RORA: variants seen among roughly 807,000 people sequenced by gnomAD.
The protein encoded by RORA is nuclear receptor ROR-alpha.
In RORA, 7 loss-of-function variants were observed where a neutral mutation model predicts 69.5. The ratio of observed to expected loss-of-function variants is 0.10; its 90% CI spans 0.06 to 0.19. The LOEUF (loss-of-function observed/expected upper bound fraction) is 0.19. Among genes scored for constraint, RORA ranks in the 10% least tolerant of loss-of-function variants. RORA has a pLI of 1.00. For synonymous variants in RORA, 261 were observed against 240.8 expected, an observed-to-expected ratio of 1.08 and a Z score of -0.78; for missense variants, 457 against 663.0, an observed-to-expected ratio of 0.69 and a Z score of 3.41.
intron 1 of RORA, among the ~76,000 whole-genome samples, chr15:60,994,789 C>A (rs999205776): frequency 6.6e-6 from 1 of 152,214 alleles, no homozygotes. Flanking sequence ...TCCTTCCATG[C>A]CCTAGCCCAT....
intron 1 of RORA, among the ~76,000 whole-genome samples, chr15:61,020,614 G>A (rs1895477433): frequency 6.6e-6 from 1 of 152,126 alleles, no homozygotes; most frequent in Non-Finnish European, 1.5e-5. Flanking sequence ...CAGAGAGACT[G>A]ATCAAAGAAT....
intron 1 of RORA, among the ~76,000 whole-genome samples, chr15:61,119,260 G>A (rs944826474): frequency 2.6e-5 from 4 of 151,880 alleles, no homozygotes; most frequent in African/African-American, 9.7e-5. Flanking sequence ...GTACAGTGGT[G>A]CAATCTTGGC....
chr15:60,608,754 A>C (rs1471655410), intron 2 of RORA, among the ~76,000 whole-genome samples: 2 of 152,140 alleles, frequency 1.3e-5, no homozygotes, highest in African/African-American at 2.4e-5. Flanking sequence ...TTATCTAATC[A>C]TTCCTGCCAC....
At chr15:60,855,288 A>C (rs1408522718) in intron 1 of RORA, among the ~76,000 whole-genome samples, 1 of 152,200 alleles carries the variant, frequency 6.6e-6, no homozygotes, top group Non-Finnish European at 1.5e-5. Flanking sequence ...GAACAGCTAA[A>C]GCTTAGGATC....
At chr15:60,672,589 C>T (rs949814654) in intron 2 of RORA, among the ~76,000 whole-genome samples, 1 of 152,152 alleles carries the variant, frequency 6.6e-6, no homozygotes, top group Non-Finnish European at 1.5e-5. Context: ...TATGTGTGCA[C>T]AAGGGGGCAA....
At chr15:60,786,623 C>A (rs1006189690) in intron 1 of RORA, among the ~76,000 whole-genome samples, 3 of 152,326 alleles carry the variant, frequency 2.0e-5, no homozygotes, top group Non-Finnish European at 4.4e-5. Context: ...TGAAATAGGG[C>A]TACTGAGCAG....
chr15:61,048,596 C>A (rs1406054484), intron 1 of RORA, among the ~76,000 whole-genome samples: 1 of 152,216 alleles, frequency 6.6e-6, no homozygotes, highest in Non-Finnish European at 1.5e-5. Flanking sequence ...CAGCCTGTTT[C>A]CGATTATTCT....
At chr15:60,591,537 C>T (rs2140519987) in intron 2 of RORA, among the ~76,000 whole-genome samples, 1 of 152,138 alleles carries the variant, frequency 6.6e-6, no homozygotes, top group East Asian at 1.9e-4. Context: ...GGCCCGGCTA[C>T]GGAGTCCTGA....
chr15:60,992,210 G>A (rs7176717), intron 1 of RORA, among the ~76,000 whole-genome samples: 80,601 of 152,064 alleles, frequency 0.53, 22,586 homozygotes, highest in African/African-American at 0.71. Flanking sequence ...CACGGGTTTG[G>A]AATGACGGAG....
At chr15:61,064,931 A>T (rs2078236438) in intron 1 of RORA, among the ~76,000 whole-genome samples, 1 of 151,914 alleles carries the variant, frequency 6.6e-6, no homozygotes, top group Non-Finnish European at 1.5e-5. Context: ...TACTTAACTC[A>T]CTCTTCCCCA....
chr15:60,966,146 C>T (rs1386556998), intron 1 of RORA, among the ~76,000 whole-genome samples: 1 of 152,198 alleles, frequency 6.6e-6, no homozygotes, highest in Non-Finnish European at 1.5e-5. Flanking sequence ...CCTCTTTCTT[C>T]ATATCACCTT....
chr15:60,759,151 TCAGTAG>T (rs2071845844), intron 1 of RORA, among the ~76,000 whole-genome samples: 1 of 152,218 alleles, frequency 6.6e-6, no homozygotes, highest in Non-Finnish European at 1.5e-5. Flanking sequence ...AATGGTTGAT[TCAGTAG>T]CCACATGCAT....
chr15:61,056,667 G>A (rs1381239278), intron 1 of RORA, among the ~76,000 whole-genome samples: 3 of 152,148 alleles, frequency 2.0e-5, no homozygotes, highest in African/African-American at 7.2e-5. Context: ...AACATGAAAA[G>A]CATTTTTTTA....
In RORA at chr15:60,775,735, G is replaced by T. The variant is rs114681645; in HGVS notation, c.167-97049C>A. 9.2e-3 allele frequency among the ~76,000 whole-genome samples: 1,401 copies of T among 152,280 alleles called. 26 individuals carry two copies. The highest frequency in any genetic ancestry group is 0.033 in the African/African-American group (1,356 of 41,552). ...TCTTTTCCTATTAATGAACAGTATGGTGTTGCAGATTCACGGAGGGCTTAA... is the reference window on the plus strand; with the variant it reads ...TCTTTTCCTATTAATGAACAGTATGTTGTTGCAGATTCACGGAGGGCTTAA... On this transcript the variant is annotated intron_variant, in intron 1 of 10. Transcript: ENST00000335670.
chr15:61,041,849 G>C (rs1896789330), intron 1 of RORA, among the ~76,000 whole-genome samples: 1 of 152,248 alleles, frequency 6.6e-6, no homozygotes, highest in Admixed American at 6.5e-5. Flanking sequence ...CTTAACGTCA[G>C]TCAGTTTCAT....
intron 8 of RORA, among the ~76,000 whole-genome samples, chr15:60,501,608 T>C (rs549971177): frequency 6.6e-6 from 1 of 152,320 alleles, no homozygotes; most frequent in South Asian, 2.1e-4. Flanking sequence ...ATAGCCATAT[T>C]CTAACTGATA....
chr15:60,865,901 G>C (rs1309126852), intron 1 of RORA, among the ~76,000 whole-genome samples: 2 of 152,114 alleles, frequency 1.3e-5, no homozygotes, highest in African/African-American at 4.8e-5. Flanking sequence ...CCTTTGTTCA[G>C]GGGAGAGATG....
At chr15:60,754,885 G>T (rs2071774835) in intron 1 of RORA, among the ~76,000 whole-genome samples, 1 of 151,976 alleles carries the variant, frequency 6.6e-6, no homozygotes, top group Admixed American at 6.6e-5. Context: ...TCCTTCTAAT[G>T]TCTGTGGAAT....
At chr15:60,590,805 G>C (rs1261434305) in intron 2 of RORA, among the ~76,000 whole-genome samples, 1 of 152,038 alleles carries the variant, frequency 6.6e-6, no homozygotes, top group Non-Finnish European at 1.5e-5. Context: ...ATCACGGGAG[G>C]TTTCCTCTCT....
Sources: gnomAD v4.1 joint callset for allele counts (sites outside exome capture counted in the v4.1 genomes callset) on GRCh38, gnomAD v4.1.1 for gene constraint, MANE v1.5 for transcripts, NCBI Gene and HGNC (gene_info 2026-07-23, HGNC 2026-07-21) for gene names.